RBFOX3: variants seen among roughly 807,000 people sequenced by gnomAD.
RBFOX3 encodes RNA binding fox-1 homolog 3, also known as RNA binding protein fox-1 homolog 3.
RBFOX3 carries 17 observed loss-of-function variants against 48.7 expected under a neutral mutation model. That is an observed-to-expected ratio of 0.35 (90% CI 0.24 to 0.52). The LOEUF (loss-of-function observed/expected upper bound fraction) is 0.52. Ranked by LOEUF, RBFOX3 falls within the 20% of genes least tolerant of loss-of-function variation. The pLI, the probability that RBFOX3 is intolerant of heterozygous loss-of-function variation, is 0.94. For synonymous variants in RBFOX3, 212 were observed against 209.5 expected (o/e 1.01, Z -0.10); for missense variants, 382 against 497.5 (o/e 0.77, Z 2.21).
chr17:79,562,703 G>T (rs1048863870), intron 1 of RBFOX3, among the ~76,000 whole-genome samples: 17 of 152,176 alleles, frequency 1.1e-4, no homozygotes, highest in Non-Finnish European at 2.2e-4. Context: ...CATGGAGGGT[G>T]GGCCCCGGCC....
At chr17:79,582,234 G>A (rs2093092837) in intron 1 of RBFOX3, among the ~76,000 whole-genome samples, 1 of 151,954 alleles carries the variant, frequency 6.6e-6, no homozygotes, top group Non-Finnish European at 1.5e-5. Context: ...ATGCATGCAT[G>A]TGCCTGCCCA....
chr17:79,483,522 G>A (rs1598890144), intron 1 of RBFOX3, among the ~76,000 whole-genome samples: 2 of 41,644 alleles, frequency 4.8e-5, no homozygotes, highest in Non-Finnish European at 9.9e-5. Context: ...GGCCATCCAG[G>A]AGCAGAACAC....
chr17:79,391,986 C>A lies in RBFOX3; in HGVS notation c.-174-84162G>T, dbSNP rs1003274763. Among the ~76,000 whole-genome samples the A allele has an allele frequency of 6.6e-6, 1 of 152,166 alleles. No individual in the cohort carries two copies. The highest frequency in any genetic ancestry group is 6.5e-5 in the Admixed American group (1 of 15,272). On this transcript the variant is annotated intron_variant, in intron 2 of 14. Coordinates refer to ENST00000693108, the MANE Select transcript of RBFOX3 (RefSeq NM_001350451.2). The surrounding 1 kb of genome is among the most constrained non-coding windows in gnomAD (Gnocchi z 5.0). Reference sequence around the variant, plus strand: ...TGGTGGAAGGAAACTTGTATGGCAACGCTCCCGCCAGGGCCCCGCGATGGT... The same window carrying A: ...TGGTGGAAGGAAACTTGTATGGCAAAGCTCCCGCCAGGGCCCCGCGATGGT...
intron 2 of RBFOX3, among the ~76,000 whole-genome samples, chr17:79,438,383 G>GAA (rs2070055756): frequency 6.6e-6 from 1 of 152,212 alleles, no homozygotes; most frequent in Non-Finnish European, 1.5e-5. Flanking sequence ...GAAGGATCAA[G>GAA]GAGGATCTGT....
intron 4 of RBFOX3, among the ~76,000 whole-genome samples, chr17:79,136,631 T>C (rs969431082): frequency 1.3e-5 from 2 of 152,178 alleles, no homozygotes; most frequent in African/African-American, 4.8e-5. Context: ...CAGCCTGGCG[T>C]AGCACTGCCA....
At chr17:79,193,244 T>C (rs562942641) in intron 4 of RBFOX3, among the ~76,000 whole-genome samples, 1 of 152,232 alleles carries the variant, frequency 6.6e-6, no homozygotes, top group South Asian at 2.1e-4. Flanking sequence ...GAGATTACGC[T>C]CGGAAGCCGG....
chr17:79,456,950 G>C (rs1365588676), intron 2 of RBFOX3, among the ~76,000 whole-genome samples: 1 of 152,264 alleles, frequency 6.6e-6, no homozygotes, highest in Non-Finnish European at 1.5e-5. Context: ...TCCCATGGGA[G>C]TCCTTCCAAC....
intron 4 of RBFOX3, among the ~76,000 whole-genome samples, chr17:79,167,913 C>T (rs79778994): frequency 0.029 from 4,401 of 152,274 alleles, 207 homozygotes; most frequent in African/African-American, 0.1. Flanking sequence ...TATGGATTTC[C>T]GAGGAGGGGG....
At chr17:79,407,651 T>TA (rs2063726294) in intron 2 of RBFOX3, among the ~76,000 whole-genome samples, 1 of 151,704 alleles carries the variant, frequency 6.6e-6, no homozygotes, top group Non-Finnish European at 1.5e-5. Context: ...GGACAGAGGG[T>TA]CCCTCAGGAT....
chr17:79,468,291 A>G (rs2076576679), intron 2 of RBFOX3, among the ~76,000 whole-genome samples: 2 of 152,230 alleles, frequency 1.3e-5, no homozygotes, highest in Non-Finnish European at 2.9e-5. Context: ...ATAGATGGAT[A>G]ATAGATAGAT....
rs1449591210 is a variant in RBFOX3, at chr17:79,198,847, T to C, written c.-34+36919A>G. Among the ~76,000 whole-genome samples, 1 of 152,170 alleles carries C rather than the reference T, an allele frequency of 6.6e-6. No homozygotes were observed. Among genetic ancestry groups the C allele is most frequent in the African/African-American group, 2.4e-5 (1 of 41,434 alleles). On this transcript the variant is annotated intron_variant, in intron 4 of 14. Transcript: ENST00000693108. The surrounding 1 kb of genome is among the most constrained non-coding windows in gnomAD (Gnocchi z 8.2). ...TTTCATCATGTTGGCCAGGCTAATC[T>C]CGAACTCCTGACCTCAGGTGATCCA...
At chr17:79,497,435 G>A (rs948806690) in intron 1 of RBFOX3, among the ~76,000 whole-genome samples, 6 of 152,152 alleles carry the variant, frequency 3.9e-5, no homozygotes, top group Admixed American at 3.9e-4. Context: ...TGGAGCCCAA[G>A]CAATACGTTT....
At chr17:79,450,363 A>G (rs1365214993) in intron 2 of RBFOX3, among the ~76,000 whole-genome samples, 2 of 152,228 alleles carry the variant, frequency 1.3e-5, no homozygotes, top group African/African-American at 2.4e-5. Context: ...AAACGGGGAA[A>G]AAACACCGGA....
intron 5 of RBFOX3, among the ~76,000 whole-genome samples, chr17:79,109,593 G>C (rs763476660): frequency 2.6e-5 from 4 of 152,216 alleles, no homozygotes; most frequent in East Asian, 3.9e-4. Flanking sequence ...AACATCCACC[G>C]ATCTTTATGG....
chr17:79,532,964 A>G (rs1555787832), intron 1 of RBFOX3, among the ~76,000 whole-genome samples: 2 of 152,234 alleles, frequency 1.3e-5, no homozygotes, highest in Non-Finnish European at 2.9e-5. Flanking sequence ...GTTTGTACCA[A>G]GGGAAGGGGC....
At chr17:79,273,576 G>C (rs977442470) in intron 3 of RBFOX3, among the ~76,000 whole-genome samples, 6 of 141,394 alleles carry the variant, frequency 4.2e-5, no homozygotes, top group African/African-American at 1.6e-4. Context: ...TCTGGGGGGG[G>C]CGGGGGCGGG....
intron 2 of RBFOX3, among the ~76,000 whole-genome samples, chr17:79,384,268 C>T (rs1305882361): frequency 6.6e-6 from 1 of 152,150 alleles, no homozygotes; most frequent in Non-Finnish European, 1.5e-5. Context: ...TCCCAGGAGG[C>T]CGCACTGCCA....
intron 2 of RBFOX3, among the ~76,000 whole-genome samples, chr17:79,367,236 C>T (rs1260727123): frequency 1.3e-5 from 2 of 148,514 alleles, no homozygotes; most frequent in African/African-American, 5.0e-5. Context: ...CCTCCCCTCC[C>T]CTTCTCCCTC....
chr17:79,332,766 TA>T (rs2146386237), intron 2 of RBFOX3, among the ~76,000 whole-genome samples: 1 of 92,920 alleles, frequency 1.1e-5, no homozygotes, highest in South Asian at 3.9e-4. Flanking sequence ...GACAGAGAGA[TA>T]AAGAGAGGCA....
Sources: allele counts gnomAD v4.1 joint callset (sites outside exome capture counted in the v4.1 genomes callset), GRCh38; gene constraint gnomAD v4.1.1; non-coding constraint Gnocchi (gnomAD v3.1); transcripts MANE v1.5; gene names NCBI Gene and HGNC (gene_info 2026-07-23, HGNC 2026-07-21).